Variants in KCNQ5 observed in about 807,000 individuals in gnomAD.
KCNQ5 encodes potassium voltage-gated channel subfamily Q member 5.
Under a neutral mutation model 98.2 loss-of-function variants are expected in KCNQ5, and 30 were observed. That is an observed-to-expected ratio of 0.31 (90% CI 0.23 to 0.41). The LOEUF is 0.41. Among genes scored for constraint, KCNQ5 ranks in the 10% least tolerant of loss-of-function variants. The pLI, the probability that KCNQ5 is intolerant of heterozygous loss-of-function variation, is 1.00. For synonymous variants in KCNQ5, 458 were observed against 449.4 expected (o/e 1.02, Z -0.24); for missense variants, 835 against 1,182.5 (o/e 0.71, Z 4.31).
At chr6:73,046,236 C>T (rs1036032295) in intron 3 of KCNQ5, among the ~76,000 whole-genome samples, 2 of 152,150 alleles carry the variant, frequency 1.3e-5, no homozygotes, top group Non-Finnish European at 2.9e-5. Flanking sequence ...ACTTACTCTT[C>T]AATGGCATTA....
intron 1 of KCNQ5, among the ~76,000 whole-genome samples, chr6:72,988,649 C>CTTTTTTTT (rs71540364): frequency 3.1e-5 from 4 of 127,856 alleles, no homozygotes; most frequent in East Asian, 2.3e-4. Flanking sequence ...GCATGATTTT[C>CTTTTTTTT]TTTTTTTTTT....
At chr6:73,014,719 G>T (rs1284664415) in intron 2 of KCNQ5, among the ~76,000 whole-genome samples, 1 of 152,046 alleles carries the variant, frequency 6.6e-6, no homozygotes, top group Admixed American at 6.6e-5. Context: ...AATCTATAGG[G>T]AATTCTTTTG....
At chr6:72,833,807 G>A (rs556685632) in intron 1 of KCNQ5, among the ~76,000 whole-genome samples, 20 of 151,920 alleles carry the variant, frequency 1.3e-4, no homozygotes, top group African/African-American at 4.6e-4. Flanking sequence ...TTCATCCATA[G>A]GAAAGTAGAA....
chr6:72,801,344 CTCT>C (rs2150093448), intron 1 of KCNQ5, among the ~76,000 whole-genome samples: 1 of 141,118 alleles, frequency 7.1e-6, no homozygotes, highest in Non-Finnish European at 1.5e-5. Context: ...GGATAGTTAG[CTCT>C]TCTTGTTGAA....
At chr6:72,933,738 T>G (rs923385321) in intron 1 of KCNQ5, among the ~76,000 whole-genome samples, 1 of 152,184 alleles carries the variant, frequency 6.6e-6, no homozygotes, top group Non-Finnish European at 1.5e-5. Context: ...TTCTTTAATT[T>G]GATTACACTG....
chr6:73,143,802 A>G (rs1444650741), intron 10 of KCNQ5, among the ~76,000 whole-genome samples: 1 of 152,208 alleles, frequency 6.6e-6, no homozygotes, highest in Non-Finnish European at 1.5e-5. Flanking sequence ...ATTGATTGGC[A>G]CTGAGGGGAA....
Position 72,776,075 on chromosome 6 carries a change from C to G in KCNQ5, c.398+153488C>G, listed in dbSNP as rs1773148097. Among the ~76,000 whole-genome samples, 3 of 152,166 alleles carry G rather than the reference C, an allele frequency of 2.0e-5. No individual in the cohort carries two copies. In the South Asian group the frequency reaches 6.2e-4, roughly 32 times the overall value. On this transcript the variant is annotated intron_variant, in intron 1 of 13. Coordinates refer to ENST00000370398, the MANE Select transcript of KCNQ5 (RefSeq NM_019842.4). The stretch of plus-strand genomic sequence containing the variant: ...ATAGGGGAACTTAGTACAGGATGTA[C>G]TAGAACTTTCTGTACTATCTTTGCA...
At chr6:72,975,168 G>T (rs1456945162) in intron 1 of KCNQ5, among the ~76,000 whole-genome samples, 2 of 151,822 alleles carry the variant, frequency 1.3e-5, no homozygotes, top group Admixed American at 1.3e-4. Context: ...AATATGTTAG[G>T]TAAAGCCACA....
At position 73,117,948 on chromosome 6, in the gene KCNQ5, A is replaced by C. The variant is rs142704434; in HGVS notation, c.1126-2535A>C. Among the ~76,000 whole-genome samples the C allele has an allele frequency of 4.2e-4, 64 of 152,396 alleles. No individual in the cohort carries two copies. The East Asian group carries it at 0.012, about 29-fold the overall frequency. Reference sequence around the variant, plus strand: ...CCACAGATTTGTAGATTAAATCAGCATGAGCCATGTAATGAAGGCAAGGAA... The same window carrying C: ...CCACAGATTTGTAGATTAAATCAGCCTGAGCCATGTAATGAAGGCAAGGAA... On this transcript the variant is annotated intron_variant, in intron 7 of 13. Transcript: ENST00000370398.
At position 72,929,366 on chromosome 6, in the gene KCNQ5, A is replaced by G. The variant is rs566716603; in HGVS notation, c.399-74542A>G. On this transcript the variant is annotated intron_variant, in intron 1 of 13. Coordinates refer to ENST00000370398, the MANE Select transcript of KCNQ5 (RefSeq NM_019842.4). Reference sequence around the variant, plus strand: ...GGACAATGAACTGCCCACTCCCTAAACCTCCCACAGGCACATAAAGTGACT... The same window carrying G: ...GGACAATGAACTGCCCACTCCCTAAGCCTCCCACAGGCACATAAAGTGACT... 2.6e-5 allele frequency among the ~76,000 whole-genome samples: 4 copies of G among 151,836 alleles called. No homozygotes were observed. The East Asian group carries it at 7.7e-4, about 29-fold the overall frequency.
intron 1 of KCNQ5, among the ~76,000 whole-genome samples, chr6:72,878,429 C>A (rs2150170325): frequency 6.6e-6 from 1 of 151,992 alleles, no homozygotes; most frequent in Admixed American, 6.6e-5. Flanking sequence ...GGCTTTTTTT[C>A]CCCCCTTACA....
chr6:73,117,080 T>C (rs1039817244), intron 7 of KCNQ5, among the ~76,000 whole-genome samples: 1 of 152,228 alleles, frequency 6.6e-6, no homozygotes, highest in Non-Finnish European at 1.5e-5. Flanking sequence ...TCATTTTGCT[T>C]CTTGTTGATT....
intron 11 of KCNQ5, among the ~76,000 whole-genome samples, chr6:73,185,045 C>T (rs578251872): frequency 2.5e-4 from 38 of 152,340 alleles, no homozygotes; most frequent in African/African-American, 8.4e-4. Flanking sequence ...TCCCTGCATT[C>T]AAGGTTCTCA....
intron 2 of KCNQ5, among the ~76,000 whole-genome samples, chr6:73,031,818 T>C (rs1269657784): frequency 6.6e-6 from 1 of 152,216 alleles, no homozygotes; most frequent in Non-Finnish European, 1.5e-5. Context: ...GTTAGCTATA[T>C]GAAACTCTGT....
chr6:73,173,678 G>T (rs540333030), intron 11 of KCNQ5, among the ~76,000 whole-genome samples: 6 of 152,070 alleles, frequency 3.9e-5, no homozygotes, highest in African/African-American at 4.8e-5. Context: ...GGGCAGGCAT[G>T]GTGGCTTATA....
chr6:72,802,818 G>A (rs1403879333), intron 1 of KCNQ5, among the ~76,000 whole-genome samples: 1 of 152,092 alleles, frequency 6.6e-6, no homozygotes, highest in Non-Finnish European at 1.5e-5. Context: ...CAATTACACT[G>A]CATTCTGGTC....
At chr6:72,979,402 GATTTGC>G (rs1451858483) in intron 1 of KCNQ5, among the ~76,000 whole-genome samples, 2 of 152,170 alleles carry the variant, frequency 1.3e-5, no homozygotes, top group Non-Finnish European at 2.9e-5. Context: ...TTGTGGTTTT[GATTTGC>G]ATTTCTTTGA....
chr6:73,101,610 G>A (rs886315964), intron 5 of KCNQ5, among the ~76,000 whole-genome samples: 4 of 152,036 alleles, frequency 2.6e-5, no homozygotes, highest in African/African-American at 9.7e-5. Context: ...TATGCCAACT[G>A]CAAACAATCT....
intron 1 of KCNQ5, among the ~76,000 whole-genome samples, chr6:72,777,392 G>A (rs183893064): frequency 3.3e-5 from 5 of 152,070 alleles, no homozygotes; most frequent in Non-Finnish European, 7.4e-5. Flanking sequence ...AATGATTTGC[G>A]ATTAGTTGGA....
Sources: allele counts gnomAD v4.1 joint callset (sites outside exome capture counted in the v4.1 genomes callset), GRCh38; gene constraint gnomAD v4.1.1; transcripts MANE v1.5; gene names NCBI Gene and HGNC (gene_info 2026-07-23, HGNC 2026-07-21).